Variants in ADGRL1 observed in about 807,000 individuals in gnomAD.
ADGRL1 encodes adhesion G protein-coupled receptor L1.
In ADGRL1, 31 loss-of-function variants were observed where a neutral mutation model predicts 148.9. The observed-to-expected ratio is 0.21, with a 90% CI of 0.16 to 0.28. ADGRL1 has a LOEUF of 0.28. Among genes scored for constraint, ADGRL1 ranks in the 10% least tolerant of loss-of-function variants. ADGRL1 has a pLI of 1.00. For synonymous variants in ADGRL1, 937 were observed against 900.3 expected, an observed-to-expected ratio of 1.04 and a Z score of -0.73; for missense variants, 1,521 against 2,058.8, an observed-to-expected ratio of 0.74 and a Z score of 5.05.
chr19:14,156,892 G>T (rs767076293), intron 15 of ADGRL1, 33 bp downstream of exon 15: 116 of 1,601,284 alleles, frequency 7.2e-5, no homozygotes, highest in Non-Finnish European at 8.6e-5. Context: ...GGAACCAGGT[G>T]GGAGGGTGCA....
chr19:14,176,779 C>T (rs1000964534), intron 3 of ADGRL1, among the ~76,000 whole-genome samples: 2 of 151,518 alleles, frequency 1.3e-5, no homozygotes, highest in Non-Finnish European at 2.9e-5. Context: ...GTCACAGCTG[C>T]AGTGAGCTGT....
intron 11 of ADGRL1, 123 bp from the exon 12 acceptor site, chr19:14,158,675 T>C: frequency 5.3e-6 from 4 of 748,226 alleles, no homozygotes; most frequent in Non-Finnish European, 8.9e-6. Context: ...CTGGGACCTC[T>C]GAAGCCAGTC....
At position 14,152,904 on chromosome 19, in the gene ADGRL1, C is replaced by T; in HGVS notation, c.3303G>A (p.Lys1101=). 6.2e-7 allele frequency: 1 copy of T among 1,613,934 alleles called. No homozygotes were observed. The highest frequency in any genetic ancestry group is 2.2e-5 in the East Asian group (1 of 44,880). The change falls in exon 19 of 23, where the codon AAG becomes AAA. Residue 1101 remains lysine, a synonymous_variant. Coordinates refer to ENST00000361434, the MANE Select transcript of ADGRL1 (RefSeq NM_014921.5). This position sits in a 1 kb window ranked among gnomAD's most constrained non-coding sequence, Gnocchi z 6.1. ...AGTGACGCAGGCACTTGCTGTACTC[C>T]TTGTGCACCTGGGAGGTGGAGGACA... ...FHCALQKKVH[K]EYSKCLRHSY...
chr19:14,152,096 A>G lies in ADGRL1; in HGVS notation c.3667+37T>C. ...GAAGGCCACTGTCTGTCCCTCTCCC[A>G]GCCTCAGAAACATCCCCAGGGAAGA... On this transcript the variant is annotated intron_variant, in intron 22 of 22. Coordinates refer to ENST00000361434, the MANE Select transcript of ADGRL1 (RefSeq NM_014921.5). The surrounding 1 kb of genome is among the most constrained non-coding windows in gnomAD (Gnocchi z 6.1). 1 of 1,594,738 alleles carries G rather than the reference A, an allele frequency of 6.3e-7. No homozygotes were observed. Among genetic ancestry groups the G allele is most frequent in the Admixed American group, 1.7e-5 (1 of 59,996 alleles).
chr19:14,184,740 C>T (rs754595482), intron 1 of ADGRL1, among the ~76,000 whole-genome samples: 30 of 150,820 alleles, frequency 2.0e-4, no homozygotes, highest in South Asian at 4.2e-4. Context: ...CCTGGGTTCA[C>T]GCCATTCTCC....
At chr19:14,185,450 C>G (rs563313449) in intron 1 of ADGRL1, among the ~76,000 whole-genome samples, 1 of 152,172 alleles carries the variant, frequency 6.6e-6, no homozygotes, top group African/African-American at 2.4e-5. Flanking sequence ...CTCGCCACCA[C>G]GCCCAGCTAA....
chr19:14,177,436 TAA>T, intron 3 of ADGRL1, 93 bp downstream of exon 3: 1 of 1,176,874 alleles, frequency 8.5e-7, no homozygotes, highest in Non-Finnish European at 1.2e-6. Context: ...GTTGAATGCA[TAA>T]AAAAAAGATG....
chr19:14,149,496 AAT>A lies in ADGRL1; in HGVS notation c.*1375_*1376del, dbSNP rs1967937932. The A allele has an allele frequency of 6.5e-6, 1 of 152,850 alleles. No homozygotes were observed. The highest frequency in any genetic ancestry group is 1.5e-5 in the Non-Finnish European group (1 of 68,224). The allele number at this position is 152,850 out of a possible 1,614,324, so 9.5% of individuals were successfully genotyped here. A position where few individuals can be genotyped will look rare whatever the true frequency, so the allele number is the denominator to read the frequency against. The stretch of plus-strand genomic sequence containing the variant: ...CTTCCCCGGCGAGAGTCCCCAGAGC[AAT>A]ATACAAGAAGCAGGAACTCAAAGGG... On this transcript the variant is annotated 3_prime_UTR_variant, in exon 23 of 23. Coordinates refer to ENST00000361434, the MANE Select transcript of ADGRL1 (RefSeq NM_014921.5).
At chr19:14,183,458 G>C (rs1052897659) in intron 2 of ADGRL1, 75 bp downstream of exon 2, 21 of 1,344,678 alleles carry the variant, frequency 1.6e-5, no homozygotes, top group Non-Finnish European at 2.0e-5. Context: ...GATCAGGAGG[G>C]TTTTCAACAT....
chr19:14,196,525 TGGGA>T (rs908727936), intron 1 of ADGRL1, among the ~76,000 whole-genome samples: 12 of 152,038 alleles, frequency 7.9e-5, no homozygotes, highest in African/African-American at 2.7e-4. Context: ...GAGGCTTAGG[TGGGA>T]GGATCTCTTG....
chr19:14,191,401 G>A, intron 1 of ADGRL1: 1 of 456,672 alleles, frequency 2.2e-6, no homozygotes, highest in Non-Finnish European at 4.4e-6. Context: ...TGTGCAACAG[G>A]ACAAATTCAC....
chr19:14,196,592 C>T (rs1257576684), intron 1 of ADGRL1, among the ~76,000 whole-genome samples: 1 of 152,168 alleles, frequency 6.6e-6, no homozygotes, highest in Non-Finnish European at 1.5e-5. Flanking sequence ...TGCACTCTAG[C>T]TTGGGCAACA....
chr19:14,162,964 C>T lies in ADGRL1; in HGVS notation c.837G>A (p.Glu279=). ...TCACCACCAGCCGCCCGTTGTTGCC[C>T]TCAGTGGCGTAGATGACCCACAGCC... is the stretch of plus-strand genomic sequence containing the variant. ...ENGLWVIYAT[E]GNNGRLVVSQ... The change falls in exon 5 of 23, where the codon GAG becomes GAA. Residue 279 remains glutamate (E), a synonymous_variant. Transcript: ENST00000361434. This position sits in a 1 kb window ranked among gnomAD's most constrained non-coding sequence, Gnocchi z 5.4. The T allele has an allele frequency of 6.2e-7, 1 of 1,613,842 alleles. No homozygotes were observed. The highest frequency in any genetic ancestry group is 8.5e-7 in the Non-Finnish European group (1 of 1,179,952).
Position 14,157,324 on chromosome 19 carries a change from T to C in ADGRL1, c.2672A>G (p.His891Arg). Residue 891 changes from histidine (H) to arginine (R), a missense_variant, in exon 14 of 23, where the codon CAC becomes CGC. His to Arg is a conservative substitution (Grantham distance 29). This residue lies in a region of ADGRL1 where 26 missense variants were observed against 75.0 expected (regional missense o/e 0.35). Coordinates refer to ENST00000361434, the MANE Select transcript of ADGRL1 (RefSeq NM_014921.5). The surrounding 1 kb of genome is among the most constrained non-coding windows in gnomAD (Gnocchi z 7.5). ...RGLQTDRNTI[H>R]KNLCINLFLA... is the part of the protein sequence containing the mutation. ...GAAGAGGTTGATGCACAGGTTCTTG[T>C]GGATGGTGTTGCGGTCGGTCTGCAG... The C allele has an allele frequency of 6.2e-7, 1 of 1,614,120 alleles. No individual in the cohort carries two copies. The highest frequency in any genetic ancestry group is 8.5e-7 in the Non-Finnish European group (1 of 1,180,002).
At chr19:14,172,160 G>A (rs1248700403) in intron 3 of ADGRL1, among the ~76,000 whole-genome samples, 2 of 152,056 alleles carry the variant, frequency 1.3e-5, no homozygotes, top group Non-Finnish European at 2.9e-5. Context: ...GGTGGCTCAC[G>A]CCTGTAATCC....
At chr19:14,181,532 A>G (rs1319765740) in intron 2 of ADGRL1, among the ~76,000 whole-genome samples, 1 of 152,146 alleles carries the variant, frequency 6.6e-6, no homozygotes, top group Non-Finnish European at 1.5e-5. Flanking sequence ...TAGCCTGGCC[A>G]ACATGGTGAA....
Position 14,149,922 on chromosome 19 carries a change from CTTTTTTTTTT to C in ADGRL1, c.*941_*950del, listed in dbSNP as rs71170598. The C allele has an allele frequency of 8.1e-6, 1 of 122,724 alleles. No individual in the cohort carries two copies. The highest frequency in any genetic ancestry group is 2.4e-4 in the East Asian group (1 of 4,246). The allele number at this position is 122,724 out of a possible 1,614,324, so 7.6% of individuals were successfully genotyped here. ...CAAGTGATGAGATTTTTTTTCTTTT[CTTTTTTTTTT>C]TTTTTGTCTTTTTTTTTTCTTTTCC... is the stretch of plus-strand genomic sequence containing the variant. On this transcript the variant is annotated 3_prime_UTR_variant, in exon 23 of 23. Coordinates refer to ENST00000361434, the MANE Select transcript of ADGRL1 (RefSeq NM_014921.5).
intron 4 of ADGRL1, chr19:14,169,010 T>G (rs1970241178): frequency 6.6e-6 from 1 of 152,272 alleles, no homozygotes. Flanking sequence ...AAGCTTGACA[T>G]GCGTTGTCGC....
In ADGRL1 at chr19:14,149,304, A is replaced by G. The variant is rs910305533; in HGVS notation, c.*1569T>C. 4 of 152,308 alleles carry G rather than the reference A, an allele frequency of 2.6e-5. No homozygotes were observed. The highest frequency in any genetic ancestry group is 9.7e-5 in the African/African-American group (4 of 41,408). 9.4% of individuals were successfully genotyped at this position (152,308 alleles called of 1,614,324 possible). A position where few individuals can be genotyped will look rare whatever the true frequency, so the allele number is the denominator to read the frequency against. On this transcript the variant is annotated 3_prime_UTR_variant, in exon 23 of 23. Transcript: ENST00000361434. ...CACCTGGCTTCGTCTTCCCTGCGGG[A>G]AGGTGGAGGATAGGGAAGGTGATCT...
Sources: gnomAD v4.1 joint callset for allele counts (sites outside exome capture counted in the v4.1 genomes callset) on GRCh38, gnomAD v4.1.1 for gene constraint, gnomAD v4.1.1 regional missense constraint, Gnocchi (gnomAD v3.1) non-coding constraint, MANE v1.5 for transcripts, NCBI Gene and HGNC (gene_info 2026-07-23, HGNC 2026-07-21) for gene names.